CABLES1: variants seen among roughly 807,000 people sequenced by gnomAD.
CABLES1 encodes the protein CDK5 and ABL1 enzyme substrate 1.
A neutral mutation model predicts 57.8 loss-of-function variants in CABLES1; 36 were observed. The ratio of observed to expected loss-of-function variants is 0.62; its 90% CI spans 0.48 to 0.82. The LOEUF is 0.82. Among genes scored for constraint, CABLES1 ranks in the 40% least tolerant of loss-of-function variants. CABLES1 has a pLI of 0.00. For synonymous variants in CABLES1, 374 were observed against 363.0 expected (o/e 1.03, Z -0.35); for missense variants, 767 against 836.6 (o/e 0.92, Z 1.03).
intron 9 of CABLES1, among the ~76,000 whole-genome samples, chr18:23,255,380 AAGGT>A (rs2048137414): frequency 2.0e-5 from 3 of 152,168 alleles, no homozygotes; most frequent in Non-Finnish European, 4.4e-5. Flanking sequence ...AAAGGGCACT[AAGGT>A]AGGTACTCCC....
chr18:23,226,648 G>A (rs1057354280), intron 4 of CABLES1, among the ~76,000 whole-genome samples: 2 of 152,204 alleles, frequency 1.3e-5, no homozygotes, highest in Non-Finnish European at 2.9e-5. Flanking sequence ...CAGCCCAGGA[G>A]CTTCTAGAGC....
intron 8 of CABLES1, 140 bp downstream of exon 8, chr18:23,253,206 G>A (rs746755178): frequency 1.0e-4 from 62 of 609,088 alleles, no homozygotes; most frequent in Non-Finnish European, 1.6e-4. Context: ...AGGACAGCCG[G>A]GCATGGTGGC....
chr18:23,168,769 A>G (rs4800455), intron 1 of CABLES1, among the ~76,000 whole-genome samples: 111,528 of 152,114 alleles, frequency 0.73, 41,558 homozygotes, highest in South Asian at 0.83. Context: ...TCCTCGCTCC[A>G]TGTCCCTGCT....
rs9957560 is a variant in CABLES1 at position 23,155,555 on chromosome 18, A to G, written c.845+18948A>G. On this transcript the variant is annotated intron_variant, in intron 1 of 9. Transcript: ENST00000256925. ...GCAAAAGTAATGGAGGTGACATTTTATTAGCATTGGCATCTCCCGCTTACA... is the reference window on the plus strand; with the variant it reads ...GCAAAAGTAATGGAGGTGACATTTTGTTAGCATTGGCATCTCCCGCTTACA... 4.9e-3 allele frequency among the ~76,000 whole-genome samples: 746 copies of G among 152,322 alleles called. 4 individuals are homozygous for G. The highest frequency in any genetic ancestry group is 0.017 in the African/African-American group (707 of 41,592).
At chr18:23,242,805 T>C (rs1347809400) in intron 7 of CABLES1, among the ~76,000 whole-genome samples, 1 of 152,178 alleles carries the variant, frequency 6.6e-6, no homozygotes, top group Non-Finnish European at 1.5e-5. Flanking sequence ...TACCGAATAT[T>C]AAAATCTAAG....
At chr18:23,196,985 G>T (rs529733991) in intron 3 of CABLES1, 1 of 152,452 alleles carries the variant, frequency 6.6e-6, no homozygotes, top group Non-Finnish European at 1.5e-5. Flanking sequence ...TGCTGACCGT[G>T]TGATAGAGGC....
At position 23,199,781 on chromosome 18, in the gene CABLES1, G is replaced by C. The variant is rs933222639; in HGVS notation, c.1010+5241G>C. Among the ~76,000 whole-genome samples the C allele has an allele frequency of 3.9e-5, 6 of 152,288 alleles. No homozygotes were observed. The South Asian group carries it at 1.2e-3, about 32-fold the overall frequency. On this transcript the variant is annotated intron_variant, in intron 3 of 9. Coordinates refer to ENST00000256925, the MANE Select transcript of CABLES1 (RefSeq NM_001100619.3). ...ACAGTGATGATGGTTGCCCAACATT[G>C]TGCATGTACTTAATGACACTGAATA...
At chr18:23,238,538 C>T (rs1912123521) in intron 7 of CABLES1, among the ~76,000 whole-genome samples, 1 of 152,192 alleles carries the variant, frequency 6.6e-6, no homozygotes, top group Admixed American at 6.5e-5. Flanking sequence ...TTCTTCCACT[C>T]TATGATCTGT....
intron 1 of CABLES1, among the ~76,000 whole-genome samples, chr18:23,166,659 CAGGTGGGTT>C (rs2047044920): frequency 6.6e-6 from 1 of 152,208 alleles, no homozygotes; most frequent in Non-Finnish European, 1.5e-5. Flanking sequence ...CACGCACACA[CAGGTGGGTT>C]AGGTTCTGTC....
Position 23,181,079 on chromosome 18 carries a change from T to C in CABLES1, c.846-7759T>C, listed in dbSNP as rs115159837. Among the ~76,000 whole-genome samples, 258 of 152,252 alleles carry C rather than the reference T, an allele frequency of 1.7e-3. 2 individuals are homozygous for C. The highest frequency in any genetic ancestry group is 6.0e-3 in the African/African-American group (248 of 41,546). On this transcript the variant is annotated intron_variant, in intron 1 of 9. Coordinates refer to ENST00000256925, the MANE Select transcript of CABLES1 (RefSeq NM_001100619.3). ...AGAGTCTATAAGGTTGAAGTGGGACTTCTTGCTGTCCAGCCCTGACTCCTT... is the reference window on the plus strand; with the variant it reads ...AGAGTCTATAAGGTTGAAGTGGGACCTCTTGCTGTCCAGCCCTGACTCCTT...
At chr18:23,139,400 T>G (rs2046843492) in intron 1 of CABLES1, among the ~76,000 whole-genome samples, 1 of 54,086 alleles carries the variant, frequency 1.8e-5, no homozygotes. Flanking sequence ...TGAAACTCCA[T>G]CTCAAAAAAA....
upstream of CABLES1, among the ~76,000 whole-genome samples, chr18:23,134,964 G>T (rs77763791): frequency 2.6e-3 from 392 of 152,214 alleles, 7 homozygotes; most frequent in East Asian, 0.048. Context: ...TAGGGGCTGT[G>T]GACTTACCCG....
chr18:23,169,124 A>G (rs1250441576), intron 1 of CABLES1, among the ~76,000 whole-genome samples: 1 of 152,178 alleles, frequency 6.6e-6, no homozygotes, highest in Non-Finnish European at 1.5e-5. Flanking sequence ...CACTCCCACC[A>G]GCGCCATGAC....
At chr18:23,158,445 A>G (rs138718946) in intron 1 of CABLES1, among the ~76,000 whole-genome samples, 1 of 152,340 alleles carries the variant, frequency 6.6e-6, no homozygotes, top group African/African-American at 2.4e-5. Flanking sequence ...TGTGATCAGT[A>G]CTTGGGAAAT....
At chr18:23,245,018 G>T (rs932182737) in intron 7 of CABLES1, among the ~76,000 whole-genome samples, 2 of 152,206 alleles carry the variant, frequency 1.3e-5, no homozygotes, top group African/African-American at 2.4e-5. Context: ...CAACCTGTCT[G>T]CTCTGAGACC....
intron 7 of CABLES1, among the ~76,000 whole-genome samples, chr18:23,240,360 A>C (rs576268986): frequency 1.3e-5 from 2 of 152,190 alleles, no homozygotes; most frequent in African/African-American, 4.8e-5. Context: ...CCTTCCCCCT[A>C]CACACACACA....
rs189365980 is a variant in CABLES1 at position 23,247,616 on chromosome 18, G to A, written c.1447-5344G>A. ...TGCTGGAGAAGCCAGAGGAGCAAAC[G>A]GAGGCACAGAGCTCCTAACCAGTGT... On this transcript the variant is annotated intron_variant, in intron 7 of 9. Coordinates refer to ENST00000256925, the MANE Select transcript of CABLES1 (RefSeq NM_001100619.3). Among the ~76,000 whole-genome samples, 18 of 152,330 alleles carry A rather than the reference G, an allele frequency of 1.2e-4. No individual in the cohort carries two copies. The South Asian group carries it at 1.2e-3, about 11-fold the overall frequency.
At chr18:23,176,684 C>A (rs975461476) in intron 1 of CABLES1, among the ~76,000 whole-genome samples, 2 of 152,138 alleles carry the variant, frequency 1.3e-5, no homozygotes, top group African/African-American at 4.8e-5. Flanking sequence ...GTCTTTGTTT[C>A]CATAAACCAC....
At chr18:23,228,445 G>T (rs1311188688) in intron 4 of CABLES1, among the ~76,000 whole-genome samples, 2 of 152,150 alleles carry the variant, frequency 1.3e-5, no homozygotes, top group African/African-American at 4.8e-5. Context: ...TGCTGAAGAA[G>T]CCAAAACTAA....
Sources: allele counts gnomAD v4.1 joint callset (sites outside exome capture counted in the v4.1 genomes callset), GRCh38; gene constraint gnomAD v4.1.1; transcripts MANE v1.5; gene names NCBI Gene and HGNC (gene_info 2026-07-23, HGNC 2026-07-21).